Variants in TAFA1 observed in about 807,000 individuals in gnomAD.
TAFA1 encodes the protein TAFA chemokine like family member 1.
A neutral mutation model predicts 18.5 loss-of-function variants in TAFA1; 4 were observed. The ratio of observed to expected loss-of-function variants is 0.22; its 90% confidence interval spans 0.11 to 0.49. TAFA1 has a LOEUF of 0.49. Ranked by LOEUF, TAFA1 falls within the 20% of genes least tolerant of loss-of-function variation. The probability of loss-of-function intolerance (pLI) is 0.98; values close to 1 mark genes in which losing one functional copy is unlikely to be tolerated. For missense variants in TAFA1, 147 were observed against 169.0 expected, an observed-to-expected ratio of 0.87 and a Z score of 0.72; for synonymous variants, 56 against 55.2, an observed-to-expected ratio of 1.01 and a Z score of -0.06.
At chr3:68,159,681 A>G (rs943850079) in intron 2 of TAFA1, among the ~76,000 whole-genome samples, 1 of 152,140 alleles carries the variant, frequency 6.6e-6, no homozygotes, top group African/African-American at 2.4e-5. Flanking sequence ...GCCTCAAGAG[A>G]TAACAGTTGA....
At chr3:68,373,502 G>T (rs567709598) in intron 2 of TAFA1, among the ~76,000 whole-genome samples, 1 of 152,150 alleles carries the variant, frequency 6.6e-6, no homozygotes, top group Non-Finnish European at 1.5e-5. Context: ...GTTGTTCAAA[G>T]AAACATAAGA....
At chr3:68,336,086 G>T (rs932247195) in intron 2 of TAFA1, among the ~76,000 whole-genome samples, 4 of 152,176 alleles carry the variant, frequency 2.6e-5, no homozygotes, top group African/African-American at 7.2e-5. Context: ...TGTGGTGTTA[G>T]GTAAAACACT....
chr3:68,418,528 G>A lies in TAFA1; in HGVS notation c.259+1108G>A, dbSNP rs187661299. Among the ~76,000 whole-genome samples, 67 of 151,360 alleles carry A rather than the reference G, an allele frequency of 4.4e-4. 1 individual carries two copies. In the South Asian group the frequency reaches 0.01, roughly 23 times the overall value. ...GTGGTGGAATGTCATCAGTTAAGGCGGAGCAGGGCATATTCACTTCTTTTG... is the reference window on the plus strand; with the variant it reads ...GTGGTGGAATGTCATCAGTTAAGGCAGAGCAGGGCATATTCACTTCTTTTG... On this transcript the variant is annotated intron_variant, in intron 3 of 4. Coordinates refer to ENST00000478136, the MANE Select transcript of TAFA1 (RefSeq NM_213609.4).
intron 2 of TAFA1, among the ~76,000 whole-genome samples, chr3:68,036,118 T>G (rs1436038434): frequency 1.3e-5 from 2 of 152,104 alleles, no homozygotes; most frequent in Non-Finnish European, 2.9e-5. Flanking sequence ...GTGAATTTGT[T>G]GAAACTCATG....
intron 2 of TAFA1, among the ~76,000 whole-genome samples, chr3:68,352,347 G>T (rs1449160682): frequency 4.6e-5 from 7 of 151,974 alleles, no homozygotes; most frequent in Admixed American, 6.6e-5. Flanking sequence ...GAAGGCAATG[G>T]CTTAGAACTC....
At chr3:68,043,357 T>C (rs1355059514) in intron 2 of TAFA1, among the ~76,000 whole-genome samples, 3 of 152,212 alleles carry the variant, frequency 2.0e-5, no homozygotes, top group Non-Finnish European at 4.4e-5. Flanking sequence ...TGCAATAATT[T>C]ATTATTTTTG....
chr3:68,264,250 A>G (rs1295546999), intron 2 of TAFA1, among the ~76,000 whole-genome samples: 1 of 152,236 alleles, frequency 6.6e-6, no homozygotes, highest in East Asian at 1.9e-4. Flanking sequence ...AGCCTGGGCA[A>G]CAAAGTGAGA....
chr3:68,061,254 T>G (rs1019778792), intron 2 of TAFA1, among the ~76,000 whole-genome samples: 3 of 152,098 alleles, frequency 2.0e-5, no homozygotes, highest in African/African-American at 4.8e-5. Flanking sequence ...AAGTGTCAGG[T>G]TGAGAGTTGT....
At chr3:68,110,278 C>G (rs966200866) in intron 2 of TAFA1, among the ~76,000 whole-genome samples, 15 of 152,166 alleles carry the variant, frequency 9.9e-5, no homozygotes, top group Non-Finnish European at 2.2e-4. Context: ...GCTTCCAGCT[C>G]CTTCCATGTC....
chr3:68,047,190 A>C (rs1340004836), intron 2 of TAFA1, among the ~76,000 whole-genome samples: 1 of 152,194 alleles, frequency 6.6e-6, no homozygotes, highest in Non-Finnish European at 1.5e-5. Context: ...TCTTTAGACA[A>C]GTCTAGGATC....
intron 2 of TAFA1, among the ~76,000 whole-genome samples, chr3:68,159,033 G>C (rs919844387): frequency 8.5e-5 from 13 of 152,106 alleles, no homozygotes; most frequent in African/African-American, 3.1e-4. Flanking sequence ...CACATTACAA[G>C]CATTGTTCAA....
intron 3 of TAFA1, among the ~76,000 whole-genome samples, chr3:68,530,997 T>C (rs1032945317): frequency 1.4e-5 from 2 of 145,462 alleles, no homozygotes; most frequent in African/African-American, 2.6e-5. Flanking sequence ...TGAATTAGCA[T>C]TATAATGATT....
chr3:68,387,212 A>C (rs879686273), intron 2 of TAFA1, among the ~76,000 whole-genome samples: 1 of 152,068 alleles, frequency 6.6e-6, no homozygotes, highest in East Asian at 1.9e-4. Context: ...GGTGACTATA[A>C]ATCCAGACAT....
chr3:68,308,628 G>A (rs1575765408), intron 2 of TAFA1, among the ~76,000 whole-genome samples: 2 of 152,094 alleles, frequency 1.3e-5, no homozygotes, highest in South Asian at 4.1e-4. Flanking sequence ...CAATAATGAG[G>A]TTGTTTTCAT....
intron 3 of TAFA1, among the ~76,000 whole-genome samples, chr3:68,488,646 G>T (rs1417964304): frequency 6.6e-6 from 1 of 152,050 alleles, no homozygotes; most frequent in Admixed American, 6.6e-5. Flanking sequence ...CTGCATAATG[G>T]CAATAAGATA....
chr3:68,517,779 C>T (rs114754535), intron 3 of TAFA1, among the ~76,000 whole-genome samples: 150 of 152,156 alleles, frequency 9.9e-4, no homozygotes, highest in Non-Finnish European at 1.8e-3. Context: ...CAAAAGTGAT[C>T]ATTTCTATTA....
intron 2 of TAFA1, among the ~76,000 whole-genome samples, chr3:68,276,734 G>A (rs913880832): frequency 3.3e-5 from 5 of 152,038 alleles, no homozygotes; most frequent in Admixed American, 2.0e-4. Context: ...TCATCCTGAT[G>A]GAGGATCAGA....
In TAFA1 at chr3:68,108,458, G is replaced by A. The variant is rs551377771; in HGVS notation, c.118+101714G>A. Among the ~76,000 whole-genome samples, 42 of 34,076 alleles carry A rather than the reference G, an allele frequency of 1.2e-3. No homozygotes were observed. The East Asian group carries it at 0.022, about 18-fold the overall frequency. 22.4% of individuals were successfully genotyped at this position (34,076 alleles called of 152,430 possible). On this transcript the variant is annotated intron_variant, in intron 2 of 4. Transcript: ENST00000478136. The stretch of plus-strand genomic sequence containing the variant: ...AAGGTGTGTGTGTGTGTGTGTGTGT[G>A]TGTGCATGTGTGTGTGTGTATAAAG...
chr3:68,101,935 G>T (rs1051486956), intron 2 of TAFA1, among the ~76,000 whole-genome samples: 3 of 152,292 alleles, frequency 2.0e-5, no homozygotes, highest in South Asian at 4.1e-4. Flanking sequence ...GATGGTTCCA[G>T]ATAGAGAAAA....
Sources: allele counts gnomAD v4.1 joint callset (sites outside exome capture counted in the v4.1 genomes callset), GRCh38; gene constraint gnomAD v4.1.1; transcripts MANE v1.5; gene names NCBI Gene and HGNC (gene_info 2026-07-23, HGNC 2026-07-21).